Variants in SPMIP8 observed in about 807,000 individuals in gnomAD.
The protein encoded by SPMIP8 is testicular tissue protein Li 196.
At chr16:57,985,866 C>T in the SPMIP8 span, 1 of 1,587,724 alleles carries the variant, frequency 6.3e-7, no homozygotes, top group South Asian at 1.2e-5. Context: ...CAGAGAGGGT[C>T]GCCCCTTCCC....
At chr16:57,982,542 A>G in the SPMIP8 span, among the ~76,000 whole-genome samples, 3 of 152,032 alleles carry the variant, frequency 2.0e-5, no homozygotes, top group Admixed American at 6.5e-5. Context: ...TAGAGATCTG[A>G]ATCACCAGGT....
chr16:57,977,900 G>A, the SPMIP8 span: 1 of 1,614,106 alleles, frequency 6.2e-7, no homozygotes, highest in Non-Finnish European at 8.5e-7. Flanking sequence ...TTCCCATGGA[G>A]CGGCAGCGCA....
At chr16:57,984,620 C>T in the SPMIP8 span, 2 of 1,556,298 alleles carry the variant, frequency 1.3e-6, no homozygotes, top group African/African-American at 1.4e-5. Flanking sequence ...GGGCCTGACC[C>T]CCGTGGCCCT....
chr16:57,984,776 C>G, the SPMIP8 span: 1 of 1,608,928 alleles, frequency 6.2e-7, no homozygotes. Flanking sequence ...TGTCCTCGGC[C>G]GGGGAGTTCA....
chr16:57,978,809 G>C, the SPMIP8 span, among the ~76,000 whole-genome samples: 2 of 151,920 alleles, frequency 1.3e-5, no homozygotes, highest in Non-Finnish European at 2.9e-5. Context: ...GTAGAGACAG[G>C]GTCTCCCTAT....
At chr16:57,988,000 TC>T in the SPMIP8 span, 1 of 152,448 alleles carries the variant, frequency 6.6e-6, no homozygotes, top group Non-Finnish European at 1.5e-5. Flanking sequence ...TGGCCTTGAT[TC>T]CTGTGACGCA....
At chr16:57,978,619 T>C in the SPMIP8 span, among the ~76,000 whole-genome samples, 2 of 152,004 alleles carry the variant, frequency 1.3e-5, no homozygotes, top group East Asian at 3.9e-4. Flanking sequence ...GTTGTTATTG[T>C]TGTTTTGTTT....
chr16:57,984,944 G>A, the SPMIP8 span: 1 of 1,287,744 alleles, frequency 7.8e-7, no homozygotes, highest in South Asian at 1.5e-5. Flanking sequence ...ATGAAGCTGT[G>A]GCACTTGCGG....
the SPMIP8 span, chr16:57,984,843 G>C: frequency 6.4e-7 from 1 of 1,563,522 alleles, no homozygotes; most frequent in South Asian, 1.2e-5. Context: ...GAACTGCCGG[G>C]CAGGTGGGCC....
chr16:57,977,367 G>A, the SPMIP8 span, among the ~76,000 whole-genome samples: 2 of 135,872 alleles, frequency 1.5e-5, no homozygotes, highest in Non-Finnish European at 1.5e-5. Flanking sequence ...CCAAGATGGC[G>A]CCACTGTACT....
chr16:57,984,317 G>A, the SPMIP8 span: 4 of 1,614,046 alleles, frequency 2.5e-6, no homozygotes, highest in Non-Finnish European at 3.4e-6. Flanking sequence ...ATTTGACAAC[G>A]CCCATTTTAC....
the SPMIP8 span, among the ~76,000 whole-genome samples, chr16:57,978,439 C>A: frequency 6.6e-6 from 1 of 151,746 alleles, no homozygotes; most frequent in Admixed American, 6.6e-5. Context: ...ACTTGGGAGG[C>A]TGAGGCATGA....
the SPMIP8 span, chr16:57,985,483 A>C: frequency 1.2e-6 from 2 of 1,613,792 alleles, no homozygotes; most frequent in Middle Eastern, 1.7e-4. Context: ...CCGCCTCAGT[A>C]CTGCCTCAGC....
chr16:57,981,140 G>C, the SPMIP8 span, among the ~76,000 whole-genome samples: 7 of 152,072 alleles, frequency 4.6e-5, no homozygotes, highest in African/African-American at 1.4e-4. Context: ...TAGCACTTTG[G>C]GGGGCCAAGG....
the SPMIP8 span, among the ~76,000 whole-genome samples, chr16:57,982,651 A>G: frequency 1.4e-4 from 22 of 152,216 alleles, no homozygotes; most frequent in Non-Finnish European, 2.9e-4. Context: ...ATTATTTGTG[A>G]TGCTAAGTTT....
the SPMIP8 span, chr16:57,987,492 G>A: frequency 8.6e-6 from 13 of 1,520,456 alleles, no homozygotes; most frequent in Non-Finnish European, 9.7e-6. Context: ...TGGCCAGACA[G>A]AGGACTTATG....
At chr16:57,986,171 C>G in the SPMIP8 span, 1 of 462,360 alleles carries the variant, frequency 2.2e-6, no homozygotes, top group Non-Finnish European at 3.8e-6. Context: ...CACATCCCAC[C>G]AGGTTTGACT....
At chr16:57,977,812 C>A in the SPMIP8 span, 3 of 1,610,050 alleles carry the variant, frequency 1.9e-6, no homozygotes, top group East Asian at 2.2e-5. Flanking sequence ...CTCTGCCCCC[C>A]AGCTATGGCC....
At chr16:57,976,605 T>C in the SPMIP8 span, 6 of 1,614,140 alleles carry the variant, frequency 3.7e-6, no homozygotes, top group Non-Finnish European at 5.1e-6. Context: ...CACCTGGGCC[T>C]GGGCCCTACA....
Sources: allele counts gnomAD v4.1 joint callset (sites outside exome capture counted in the v4.1 genomes callset), GRCh38; gene constraint gnomAD v4.1.1; transcripts MANE v1.5; gene names NCBI Gene and HGNC (gene_info 2026-07-23, HGNC 2026-07-21).